PLD5: variants seen among roughly 807,000 people sequenced by gnomAD.
The protein encoded by PLD5 is phospholipase D family member 5, also known as inactive phospholipase D5.
Under a neutral mutation model 61.1 loss-of-function variants are expected in PLD5, and 36 were observed. The ratio of observed to expected loss-of-function variants is 0.59; its 90% CI spans 0.45 to 0.78. The LOEUF is 0.78. Among genes scored for constraint, PLD5 ranks in the 30% least tolerant of loss-of-function variants. The pLI, the probability that PLD5 is intolerant of heterozygous loss-of-function variation, is 0.00. For missense variants in PLD5, 515 were observed against 644.4 expected, an observed-to-expected ratio of 0.80 and a Z score of 2.17; for synonymous variants, 243 against 242.8, an observed-to-expected ratio of 1.00 and a Z score of -0.01.
intron 1 of PLD5, among the ~76,000 whole-genome samples, chr1:242,387,369 C>T (rs532212640): frequency 6.6e-6 from 1 of 152,258 alleles, no homozygotes; most frequent in South Asian, 2.1e-4. Context: ...TAAAGTGATT[C>T]TGACAATGTG....
At chr1:242,229,256 T>C (rs138231652) in intron 4 of PLD5, among the ~76,000 whole-genome samples, 2 of 152,314 alleles carry the variant, frequency 1.3e-5, no homozygotes, top group African/African-American at 4.8e-5. Context: ...TGAATCCCCA[T>C]GATGAAATCA....
intron 1 of PLD5, among the ~76,000 whole-genome samples, chr1:242,473,514 G>C (rs12057685): frequency 0.017 from 2,525 of 152,278 alleles, 75 homozygotes; most frequent in African/African-American, 0.058. Flanking sequence ...AAAATGGTTT[G>C]TATGTCCAGT....
At chr1:242,212,000 G>T (rs1669854178) in intron 5 of PLD5, among the ~76,000 whole-genome samples, 1 of 152,160 alleles carries the variant, frequency 6.6e-6, no homozygotes, top group Non-Finnish European at 1.5e-5. Flanking sequence ...GAACAAGTGG[G>T]GAGAAATCTT....
At chr1:242,382,414 T>G (rs1246915792) in intron 1 of PLD5, among the ~76,000 whole-genome samples, 1 of 152,054 alleles carries the variant, frequency 6.6e-6, no homozygotes, top group East Asian at 1.9e-4. Context: ...CAGAGGAGGA[T>G]GTGCCAAGAA....
At chr1:242,257,292 C>A (rs1673122894) in intron 4 of PLD5, among the ~76,000 whole-genome samples, 1 of 152,064 alleles carries the variant, frequency 6.6e-6, no homozygotes, top group African/African-American at 2.4e-5. Flanking sequence ...ATATAGGTGG[C>A]ACAGACTAAG....
chr1:242,253,305 CTTTTTTTTTTTTTTT>C lies in PLD5; in HGVS notation c.607+12017_607+12031del, dbSNP rs1181235404. ...AATCACCACACCCAGCCTCTCTTCA[CTTTTTTTTTTTTTTT>C]TTTTTTTTTTAAGACGGAGTCTCGC... On this transcript the variant is annotated intron_variant, in intron 4 of 9. Coordinates refer to ENST00000536534, the MANE Select transcript of PLD5 (RefSeq NM_001372062.1). Among the ~76,000 whole-genome samples, 152 of 70,702 alleles carry C rather than the reference CTTTTTTTTTTTTTTT, an allele frequency of 2.1e-3. 5 individuals carry two copies. In the South Asian group the frequency reaches 0.053, roughly 25 times the overall value. 46.4% of individuals were successfully genotyped at this position (70,702 alleles called of 152,430 possible). A position where few individuals can be genotyped will look rare whatever the true frequency, so the allele number is the denominator to read the frequency against.
chr1:242,470,870 G>A (rs910708447), intron 1 of PLD5, among the ~76,000 whole-genome samples: 1 of 152,164 alleles, frequency 6.6e-6, no homozygotes, highest in Non-Finnish European at 1.5e-5. Flanking sequence ...GCCCAGCTCC[G>A]CTTGCTTGTA....
At chr1:242,186,411 C>G (rs7531503) in intron 5 of PLD5, among the ~76,000 whole-genome samples, 3,766 of 152,134 alleles carry the variant, frequency 0.025, 175 homozygotes, top group African/African-American at 0.086. Flanking sequence ...TTGAACTCCT[C>G]ACCTCAAGTG....
chr1:242,233,154 A>AAATGAATGAATG lies in PLD5; in HGVS notation c.608-13051_608-13040dup, dbSNP rs55916345. Among the ~76,000 whole-genome samples the AAATGAATGAATG allele has an allele frequency of 7.7e-3, 1,159 of 149,952 alleles. 10 individuals carry two copies. The highest frequency in any genetic ancestry group is 0.024 in the South Asian group (111 of 4,668). ...GGGTGACAGAGCAAGATTCTGACTC[A>AAATGAATGAATG]AATGAATGAATGAATGAATGAATGA... is the stretch of plus-strand genomic sequence containing the variant. On this transcript the variant is annotated intron_variant, in intron 4 of 9. Transcript: ENST00000536534.
At chr1:242,207,860 T>A (rs867697876) in intron 5 of PLD5, among the ~76,000 whole-genome samples, 2,774 of 13,804 alleles carry the variant, frequency 0.2, 732 homozygotes, top group South Asian at 0.33. Context: ...ATTTATATAT[T>A]TATATATTTA....
chr1:242,237,799 T>C (rs547341568), intron 4 of PLD5, among the ~76,000 whole-genome samples: 2 of 152,338 alleles, frequency 1.3e-5, no homozygotes, highest in South Asian at 4.1e-4. Flanking sequence ...ATTGCCAGAT[T>C]TATTAAAACA....
Position 242,273,277 on chromosome 1 carries a change from T to C in PLD5, c.496-7829A>G, listed in dbSNP as rs1674218898. 3.3e-5 allele frequency among the ~76,000 whole-genome samples: 5 copies of C among 152,126 alleles called. No individual in the cohort carries two copies. The South Asian group carries it at 1.0e-3, about 32-fold the overall frequency. The stretch of plus-strand genomic sequence containing the variant: ...GAACTCATTCTTTTTTATGGCTGCA[T>C]AGTATTCCATGGTGTATATGTGCCA... On this transcript the variant is annotated intron_variant, in intron 3 of 9. Transcript: ENST00000536534.
chr1:242,262,193 C>G (rs6429343), intron 4 of PLD5, among the ~76,000 whole-genome samples: 72,324 of 151,970 alleles, frequency 0.48, 18,561 homozygotes, highest in East Asian at 0.68. Context: ...ACATAAAACT[C>G]AGCCAAAGAA....
chr1:242,229,755 C>T (rs555862887), intron 4 of PLD5, among the ~76,000 whole-genome samples: 1 of 152,114 alleles, frequency 6.6e-6, no homozygotes, highest in Admixed American at 6.6e-5. Flanking sequence ...CCCGCTATTA[C>T]TTCTTGTATT....
At chr1:242,110,583 G>A (rs905081379) in intron 7 of PLD5, among the ~76,000 whole-genome samples, 1 of 152,176 alleles carries the variant, frequency 6.6e-6, no homozygotes, top group Non-Finnish European at 1.5e-5. Context: ...GCTGAGGTGG[G>A]TGGATCACCT....
rs1254631990 is a variant in PLD5, at chr1:242,524,595, A to G, written c.-319T>C. 3.8e-5 allele frequency: 8 copies of G among 210,856 alleles called. No individual in the cohort carries two copies. Among genetic ancestry groups the G allele is most frequent in the African/African-American group, 1.7e-4 (7 of 40,864 alleles). 13.1% of individuals were successfully genotyped at this position (210,856 alleles called of 1,614,324 possible). ...CGAGAGGGGACAGGGAGGGAAAGGA[A>G]CCTGCTCCGGGGAGACAGAAGTGCC... On this transcript the variant is annotated 5_prime_UTR_variant, in exon 1 of 10. Coordinates refer to ENST00000536534, the MANE Select transcript of PLD5 (RefSeq NM_001372062.1).
chr1:242,474,847 G>A (rs1300769868), intron 1 of PLD5, among the ~76,000 whole-genome samples: 1 of 152,110 alleles, frequency 6.6e-6, no homozygotes, highest in African/African-American at 2.4e-5. Context: ...ACTCTTCTCT[G>A]CCTGCTCCGT....
chr1:242,455,009 T>A (rs758576772), intron 1 of PLD5, among the ~76,000 whole-genome samples: 12 of 152,180 alleles, frequency 7.9e-5, no homozygotes, highest in Non-Finnish European at 1.6e-4. Flanking sequence ...TTTCTCCAAG[T>A]GGAGAAATGA....
chr1:242,471,670 C>T (rs923429004), intron 1 of PLD5, among the ~76,000 whole-genome samples: 2 of 151,796 alleles, frequency 1.3e-5, no homozygotes, highest in Non-Finnish European at 2.9e-5. Context: ...AAAGAAGTAC[C>T]GTAAATACTA....
Sources: allele counts gnomAD v4.1 joint callset (sites outside exome capture counted in the v4.1 genomes callset), GRCh38; gene constraint gnomAD v4.1.1; transcripts MANE v1.5; gene names NCBI Gene and HGNC (gene_info 2026-07-23, HGNC 2026-07-21).